The following CCDC171 variants were observed in gnomAD, a reference collection of about 807,000 sequenced individuals.
CCDC171 encodes the protein coiled-coil domain-containing protein 171.
A neutral mutation model predicts 168.2 loss-of-function variants in CCDC171; 177 were observed. The ratio of observed to expected loss-of-function variants is 1.05; its 90% CI spans 0.93 to 1.19. CCDC171 has a LOEUF of 1.19. Ranked by LOEUF, CCDC171 falls within the 50% of genes most tolerant of loss-of-function variation. The probability of loss-of-function intolerance (pLI) is 0.00; values close to 1 mark genes in which losing one functional copy is unlikely to be tolerated. For synonymous variants in CCDC171, 687 were observed against 540.8 expected (o/e 1.27, Z -3.75); for missense variants, 1,991 against 1,539.0 (o/e 1.29, Z -4.91).
intron 6 of CCDC171, among the ~76,000 whole-genome samples, chr9:16,032,410 G>T (rs1158191538): frequency 2.0e-5 from 3 of 152,194 alleles, no homozygotes; most frequent in African/African-American, 7.2e-5. Context: ...GGACTGGCAG[G>T]GAGGAGAAGG....
intron 25 of CCDC171, among the ~76,000 whole-genome samples, chr9:15,970,616 C>A (rs1831252127): frequency 6.6e-6 from 1 of 152,128 alleles, no homozygotes; most frequent in Non-Finnish European, 1.5e-5. Flanking sequence ...ACTGACGTCA[C>A]TTAAGGCTTA....
Position 15,971,702 on chromosome 9 carries a change from G to A in CCDC171, c.3847G>A (p.Ala1283Thr). 1 of 1,613,856 alleles carries A rather than the reference G, an allele frequency of 6.2e-7. No homozygotes were observed. Among genetic ancestry groups the A allele is most frequent in the Non-Finnish European group, 8.5e-7 (1 of 1,179,850 alleles). ...TGIGDFLPLK[A>T]ELDTTYTFLK... ...TATTGGGGATTTCTTACCATTGAAA[G>A]CTGAACTTGATACTACTTACACTTT... The change falls in exon 26 of 26, where the codon GCT becomes ACT. Residue 1283 changes from alanine to threonine, a missense_variant. Ala to Thr is a moderately conservative substitution (Grantham distance 58). Transcript: ENST00000380701.
At chr9:15,846,162 A>T (rs554214293) in intron 21 of CCDC171, among the ~76,000 whole-genome samples, 25 of 152,192 alleles carry the variant, frequency 1.6e-4, no homozygotes, top group African/African-American at 5.8e-4. Context: ...TTGGAGTCCA[A>T]TTTGTTTGTT....
intron 12 of CCDC171, among the ~76,000 whole-genome samples, chr9:15,722,078 G>T (rs2053521466): frequency 6.6e-6 from 1 of 152,110 alleles, no homozygotes; most frequent in African/African-American, 2.4e-5. Flanking sequence ...TAACTCTTCA[G>T]TCACACTATT....
downstream of CCDC171, chr9:16,061,424 A>C (rs140586447): frequency 2.2e-4 from 33 of 152,278 alleles, no homozygotes; most frequent in African/African-American, 7.9e-4. Context: ...GATCCCATTC[A>C]GTTCTAATAG....
chr9:15,784,613 A>G lies in CCDC171; in HGVS notation c.3186A>G (p.Gln1062=). The G allele has an allele frequency of 3.1e-6, 5 of 1,613,484 alleles. No homozygotes were observed. Among genetic ancestry groups the G allele is most frequent in the Non-Finnish European group, 4.2e-6 (5 of 1,179,554 alleles). ...AQMLLNEQAQ[Q]LQELNYKLEL... ...TGCTATTGAATGAACAGGCACAACA[A>G]CTACAGGAATTGAATTATAAACTTG... Residue 1062 remains glutamine (Q), a synonymous_variant, in exon 21 of 26, where the codon CAA becomes CAG. Transcript: ENST00000380701.
intron 9 of CCDC171, among the ~76,000 whole-genome samples, chr9:15,669,095 G>A (rs2048929200): frequency 6.6e-6 from 1 of 152,108 alleles, no homozygotes. Flanking sequence ...GCAGACCTCG[G>A]CAGGATCTCA....
intron 3 of CCDC171, among the ~76,000 whole-genome samples, chr9:15,991,720 G>C (rs1589303639): frequency 1.3e-5 from 2 of 151,992 alleles, no homozygotes; most frequent in South Asian, 2.1e-4. Flanking sequence ...GAATCAAATA[G>C]ATGCAATAAA....
intron 25 of CCDC171, among the ~76,000 whole-genome samples, chr9:15,944,516 C>G (rs749176288): frequency 6.6e-6 from 1 of 151,956 alleles, no homozygotes; most frequent in Non-Finnish European, 1.5e-5. Flanking sequence ...TCAATACTTA[C>G]AACACTCTTA....
intron 4 of CCDC171, among the ~76,000 whole-genome samples, chr9:15,584,844 A>C (rs2041426684): frequency 6.6e-6 from 1 of 152,198 alleles, no homozygotes; most frequent in South Asian, 2.1e-4. Context: ...AAGAATTGGA[A>C]GGCACTAGAT....
chr9:15,677,178 T>G (rs1587905313), intron 9 of CCDC171, among the ~76,000 whole-genome samples: 2 of 152,176 alleles, frequency 1.3e-5, no homozygotes, highest in East Asian at 3.8e-4. Context: ...TCTGGACTCC[T>G]TTATATGTTG....
In CCDC171 at chr9:15,871,648, T is replaced by C. The variant is rs548436189; in HGVS notation, c.3469-2884T>C. The stretch of plus-strand genomic sequence containing the variant: ...TATGTTAGTTACTTTGTTCTCAGCC[T>C]GCCTGTTCTATTTCTTTTCATGAAC... On this transcript the variant is annotated intron_variant, in intron 23 of 25. Coordinates refer to ENST00000380701, the MANE Select transcript of CCDC171 (RefSeq NM_173550.4). Among the ~76,000 whole-genome samples, 22 of 152,134 alleles carry C rather than the reference T, an allele frequency of 1.4e-4. No homozygotes were observed. In the South Asian group the frequency reaches 4.3e-3, roughly 30 times the overall value.
intron 16 of CCDC171, among the ~76,000 whole-genome samples, chr9:15,734,054 C>G (rs369198414): frequency 6.6e-6 from 1 of 152,110 alleles, no homozygotes; most frequent in Non-Finnish European, 1.5e-5. Flanking sequence ...TGATTACAAG[C>G]GTGAGCCACT....
chr9:15,775,480 G>A (rs2057272149), intron 18 of CCDC171, among the ~76,000 whole-genome samples: 2 of 152,194 alleles, frequency 1.3e-5, no homozygotes, highest in South Asian at 2.1e-4. Flanking sequence ...CACCACGCCC[G>A]GCTAATTTTT....
At chr9:15,808,549 TTTA>T (rs1047065697) in intron 21 of CCDC171, among the ~76,000 whole-genome samples, 2 of 152,194 alleles carry the variant, frequency 1.3e-5, no homozygotes, top group African/African-American at 4.8e-5. Context: ...GGTCATATAA[TTTA>T]TTGTTGAACA....
downstream of CCDC171, among the ~76,000 whole-genome samples, chr9:15,977,351 C>T (rs543681791): frequency 1.1e-3 from 168 of 152,252 alleles, 1 homozygote; most frequent in African/African-American, 4.0e-3. Context: ...TGTGTTCTTA[C>T]TCTTTGCAGT....
intron 3 of CCDC171, among the ~76,000 whole-genome samples, chr9:15,576,394 C>T (rs1183053762): frequency 1.3e-5 from 2 of 151,944 alleles, no homozygotes; most frequent in Non-Finnish European, 2.9e-5. Context: ...TGCTGTGTTG[C>T]TCAGGTTGGT....
the CCDC171 span, among the ~76,000 whole-genome samples, chr9:16,074,981 C>T: frequency 2.0e-5 from 3 of 152,162 alleles, no homozygotes; most frequent in South Asian, 4.1e-4. Context: ...TTCTCTTCCT[C>T]CCAGTTTCGT....
chr9:15,581,313 C>T (rs560955934), intron 4 of CCDC171, among the ~76,000 whole-genome samples: 11 of 152,288 alleles, frequency 7.2e-5, no homozygotes, highest in African/African-American at 2.4e-4. Context: ...ACTTCACGCT[C>T]ATGGATAGGA....
Sources: gnomAD v4.1 joint callset for allele counts (sites outside exome capture counted in the v4.1 genomes callset) on GRCh38, gnomAD v4.1.1 for gene constraint, MANE v1.5 for transcripts, NCBI Gene and HGNC (gene_info 2026-07-23, HGNC 2026-07-21) for gene names.